Variants in SMYD3 observed in about 807,000 individuals in gnomAD.
The protein encoded by SMYD3 is SET and MYND domain containing 3.
A neutral mutation model predicts 57.7 loss-of-function variants in SMYD3; 36 were observed. That is an observed-to-expected ratio of 0.62 (90% CI 0.48 to 0.82). The LOEUF is 0.82. SMYD3 is among the 40% of genes least tolerant of loss of function. The pLI is 0.00. For synonymous variants in SMYD3, 211 were observed against 195.0 expected (o/e 1.08, Z -0.68); for missense variants, 515 against 538.8 (o/e 0.96, Z 0.44).
intron 5 of SMYD3, among the ~76,000 whole-genome samples, chr1:246,191,795 T>C (rs1443950244): frequency 6.6e-6 from 1 of 152,180 alleles, no homozygotes; most frequent in East Asian, 1.9e-4. Context: ...TCTCGAAGAA[T>C]CAAATATGAT....
intron 1 of SMYD3, among the ~76,000 whole-genome samples, chr1:246,401,421 C>T (rs1468909361): frequency 1.3e-5 from 2 of 152,056 alleles, no homozygotes; most frequent in African/African-American, 4.8e-5. Context: ...GCAAACTCTG[C>T]CCCTCAGATT....
chr1:245,833,073 A>AAAAAAAAAAAAAAAAAAAC lies in SMYD3; in HGVS notation c.1076+25422_1076+25423insGTTTTTTTTTTTTTTTTTT. ...GGAATATGTGACAAAAAAAAAAAAA[A>AAAAAAAAAAAAAAAAAAAC]AACCTGCTTTTATAATGCTGATTCA... On this transcript the variant is annotated intron_variant, in intron 10 of 11. Coordinates refer to ENST00000490107, the MANE Select transcript of SMYD3 (RefSeq NM_001167740.2). Among the ~76,000 whole-genome samples, 605 of 128,558 alleles carry AAAAAAAAAAAAAAAAAAAC rather than the reference A, an allele frequency of 4.7e-3. 27 individuals are homozygous for AAAAAAAAAAAAAAAAAAAC. The highest frequency in any genetic ancestry group is 0.021 in the East Asian group (63 of 2,956). The allele number at this position is 128,558 out of a possible 152,430, so 84.3% of individuals were successfully genotyped here.
At chr1:245,820,278 G>C (rs140298463) in intron 10 of SMYD3, among the ~76,000 whole-genome samples, 3,929 of 151,768 alleles carry the variant, frequency 0.026, 150 homozygotes, top group African/African-American at 0.089. Flanking sequence ...CATATAAACA[G>C]AGCCAAAGAC....
chr1:246,134,492 C>T (rs966625004), intron 5 of SMYD3, among the ~76,000 whole-genome samples: 14 of 151,994 alleles, frequency 9.2e-5, no homozygotes, highest in African/African-American at 2.2e-4. Flanking sequence ...TAAATTAACA[C>T]ATACTATTTA....
intron 1 of SMYD3, among the ~76,000 whole-genome samples, chr1:246,377,610 C>G (rs953836415): frequency 2.0e-5 from 3 of 152,108 alleles, no homozygotes; most frequent in African/African-American, 7.2e-5. Context: ...CTCAGGTGAT[C>G]TACCTGCCTC....
intron 1 of SMYD3, among the ~76,000 whole-genome samples, chr1:246,415,391 G>A (rs1277786817): frequency 2.0e-5 from 3 of 152,012 alleles, no homozygotes; most frequent in South Asian, 2.1e-4. Flanking sequence ...TACTTACCAC[G>A]TCCCAGACTG....
intron 5 of SMYD3, among the ~76,000 whole-genome samples, chr1:246,004,038 G>A (rs551686985): frequency 9.0e-4 from 51 of 56,584 alleles, no homozygotes; most frequent in African/African-American, 1.4e-3. Flanking sequence ...TTCGGGCACC[G>A]CCACTTACTA....
chr1:246,327,189 C>T lies in SMYD3; in HGVS notation c.531+12G>A, dbSNP rs769456532. 2.5e-6 allele frequency: 4 copies of T among 1,613,880 alleles called. No homozygotes were observed. In the East Asian group the frequency reaches 8.9e-5, roughly 36 times the overall value. On this transcript the variant is annotated intron_variant, in intron 5 of 11. Transcript: ENST00000490107. ...ATGTATGGAATTAGCAAAGAGCAAA[C>T]TTAACACTTACTTTTGCAAAGGCTT... is the stretch of plus-strand genomic sequence containing the variant.
chr1:246,029,673 GA>G (rs34698516), intron 5 of SMYD3, among the ~76,000 whole-genome samples: 27,912 of 87,796 alleles, frequency 0.32, 2,701 homozygotes, highest in East Asian at 0.59. Flanking sequence ...CTCTGTCTCA[GA>G]AAAAAAAAAA....
rs202173734 is a variant in SMYD3 at position 245,915,560 on chromosome 1, A to G, written c.783T>C (p.Cys261=). 4.3e-6 allele frequency: 7 copies of G among 1,613,884 alleles called. No individual in the cohort carries two copies. The highest frequency in any genetic ancestry group is 5.9e-6 in the Non-Finnish European group (7 of 1,179,822). The part of the protein sequence containing the change: ...KQLRDQYCFE[C]DCFRCQTQDK... Reference sequence around the variant, plus strand: ...CCTGGGTTTGGCAACGGAAACAGTCACATTCAAAGCAGTACTGGTCCCTCA... The same window carrying G: ...CCTGGGTTTGGCAACGGAAACAGTCGCATTCAAAGCAGTACTGGTCCCTCA... The change falls in exon 8 of 12, where the codon TGT becomes TGC. Residue 261 remains cysteine, a synonymous_variant. Transcript: ENST00000490107.
intron 1 of SMYD3, among the ~76,000 whole-genome samples, chr1:246,402,088 A>C (rs2066779296): frequency 6.6e-6 from 1 of 152,186 alleles, no homozygotes; most frequent in Admixed American, 6.5e-5. Context: ...AACCTCTCTA[A>C]ACAGTACCTA....
Position 245,851,154 on chromosome 1 carries a change from C to T in SMYD3, c.1076+7342G>A, listed in dbSNP as rs188003707. On this transcript the variant is annotated intron_variant, in intron 10 of 11. Transcript: ENST00000490107. Reference sequence around the variant, plus strand: ...AAACCTTGTCCATCACTGGCCAGGCCGGATTTGGTCCAGCAATTCCTCCTC... The same window carrying T: ...AAACCTTGTCCATCACTGGCCAGGCTGGATTTGGTCCAGCAATTCCTCCTC... Among the ~76,000 whole-genome samples the T allele has an allele frequency of 3.4e-4, 52 of 152,244 alleles. 1 individual carries two copies. Among genetic ancestry groups the T allele is most frequent in the African/African-American group, 1.2e-3 (51 of 41,526 alleles).
chr1:245,844,190 T>C (rs538617721), intron 10 of SMYD3, among the ~76,000 whole-genome samples: 22 of 152,336 alleles, frequency 1.4e-4, no homozygotes, highest in African/African-American at 5.3e-4. Context: ...CACAGTCTTT[T>C]AACCTTGTGA....
At chr1:246,235,693 T>C (rs1026864506) in intron 5 of SMYD3, among the ~76,000 whole-genome samples, 10 of 152,156 alleles carry the variant, frequency 6.6e-5, no homozygotes, top group African/African-American at 2.2e-4. Context: ...TGAATTTTTC[T>C]TCTAGAGCAA....
At chr1:246,498,748 A>G (rs1313037013) in intron 1 of SMYD3, among the ~76,000 whole-genome samples, 1 of 151,020 alleles carries the variant, frequency 6.6e-6, no homozygotes, top group Admixed American at 6.6e-5. Context: ...AAAAAAAAAA[A>G]GAACACACAT....
intron 1 of SMYD3, among the ~76,000 whole-genome samples, chr1:246,467,129 C>T (rs2067893359): frequency 6.6e-6 from 1 of 152,016 alleles, no homozygotes; most frequent in South Asian, 2.1e-4. Flanking sequence ...GAGATCACAT[C>T]ACTGCACTCC....
At chr1:245,966,449 G>A (rs539586444) in intron 5 of SMYD3, among the ~76,000 whole-genome samples, 27 of 152,106 alleles carry the variant, frequency 1.8e-4, no homozygotes, top group Non-Finnish European at 2.9e-4. Flanking sequence ...GATTACAGGC[G>A]CACATCACGA....
At chr1:245,801,829 A>T (rs1229696007) in intron 10 of SMYD3, among the ~76,000 whole-genome samples, 1 of 152,134 alleles carries the variant, frequency 6.6e-6, no homozygotes, top group Non-Finnish European at 1.5e-5. Context: ...TAAAAAAACA[A>T]AACAAAACAA....
At chr1:246,129,564 T>C (rs1205463857) in intron 5 of SMYD3, among the ~76,000 whole-genome samples, 1 of 152,198 alleles carries the variant, frequency 6.6e-6, no homozygotes, top group Non-Finnish European at 1.5e-5. Flanking sequence ...TTCTGCTGCA[T>C]GTTCACTATT....
Sources: allele counts gnomAD v4.1 joint callset (sites outside exome capture counted in the v4.1 genomes callset), GRCh38; gene constraint gnomAD v4.1.1; transcripts MANE v1.5; gene names NCBI Gene and HGNC (gene_info 2026-07-23, HGNC 2026-07-21).